FAM227B: variants seen among roughly 807,000 people sequenced by gnomAD.
FAM227B encodes the protein family with sequence similarity 227 member B, also known as protein FAM227B.
A neutral mutation model predicts 73.8 loss-of-function variants in FAM227B; 88 were observed. That is an observed-to-expected ratio of 1.19 (90% CI 1.00 to 1.42). The LOEUF (loss-of-function observed/expected upper bound fraction) is 1.42, where lower values mean the gene tolerates loss of function less well. Among genes scored for constraint, FAM227B ranks in the 40% most tolerant of loss-of-function variants. FAM227B has a pLI of 0.00. For synonymous variants in FAM227B, 210 were observed against 190.5 expected (o/e 1.10, Z -0.84); for missense variants, 632 against 590.9 (o/e 1.07, Z -0.72).
At chr15:49,407,872 G>A (rs1288784424) in intron 11 of FAM227B, among the ~76,000 whole-genome samples, 1 of 151,684 alleles carries the variant, frequency 6.6e-6, no homozygotes, top group African/African-American at 2.4e-5. Flanking sequence ...CTCCACATCC[G>A]CTGGCAATCT....
chr15:49,419,148 T>G (rs1238127046), intron 11 of FAM227B, among the ~76,000 whole-genome samples: 4 of 152,210 alleles, frequency 2.6e-5, no homozygotes, highest in Admixed American at 2.6e-4. Context: ...GGGGTCCTTA[T>G]GGACCTATTT....
chr15:49,577,696 C>A, intron 5 of FAM227B, 32 bp from the exon 6 acceptor site: 1 of 1,382,936 alleles, frequency 7.2e-7, no homozygotes, highest in South Asian at 1.3e-5. Flanking sequence ...CTCTTTAAAA[C>A]TCTAAATTAA....
At chr15:49,420,685 A>C (rs1006397484) in intron 11 of FAM227B, among the ~76,000 whole-genome samples, 1 of 152,160 alleles carries the variant, frequency 6.6e-6, no homozygotes, top group Non-Finnish European at 1.5e-5. Flanking sequence ...ATTATATTAT[A>C]CATGATTATG....
At chr15:49,532,055 T>G (rs2060651954) in intron 10 of FAM227B, among the ~76,000 whole-genome samples, 1 of 149,036 alleles carries the variant, frequency 6.7e-6, no homozygotes, top group Admixed American at 6.8e-5. Flanking sequence ...AGGGAATATC[T>G]ATATATAAAA....
At chr15:49,446,590 A>T (rs2052237235) in intron 11 of FAM227B, among the ~76,000 whole-genome samples, 1 of 151,350 alleles carries the variant, frequency 6.6e-6, no homozygotes, top group Non-Finnish European at 1.5e-5. Context: ...CATAGAGGGT[A>T]AAGAGCTTTT....
intron 11 of FAM227B, among the ~76,000 whole-genome samples, chr15:49,489,821 T>A (rs1334317976): frequency 1.1e-4 from 3 of 27,938 alleles, no homozygotes; most frequent in Non-Finnish European, 2.0e-4. Flanking sequence ...ATATATATAT[T>A]TTATATATAT....
chr15:49,367,309 C>T (rs1029751582), intron 13 of FAM227B, 139 bp downstream of exon 13: 1 of 707,436 alleles, frequency 1.4e-6, no homozygotes, highest in Non-Finnish European at 2.1e-6. Flanking sequence ...AAGTTTTAAG[C>T]ATAAGTAAAT....
At chr15:49,494,143 T>C (rs2057375467) in intron 11 of FAM227B, among the ~76,000 whole-genome samples, 1 of 151,864 alleles carries the variant, frequency 6.6e-6, no homozygotes, top group Non-Finnish European at 1.5e-5. Flanking sequence ...TAAGTTACCA[T>C]TGTGCTTTGA....
At chr15:49,608,781 T>A (rs1285256438) in intron 3 of FAM227B, among the ~76,000 whole-genome samples, 1 of 151,856 alleles carries the variant, frequency 6.6e-6, no homozygotes, top group Non-Finnish European at 1.5e-5. Flanking sequence ...TAACAAAAAT[T>A]AACATTGATG....
In FAM227B at chr15:49,328,335, T is replaced by C; in HGVS notation, c.*233A>G. On this transcript the variant is annotated 3_prime_UTR_variant, in exon 16 of 16. Coordinates refer to ENST00000299338, the MANE Select transcript of FAM227B (RefSeq NM_152647.3). The stretch of plus-strand genomic sequence containing the variant: ...GCTCTCTATGCTTCATAATGATTCT[T>C]TTTCCATCTTAAAATATGGTTTTAC... 5 of 1,430,300 alleles carry C rather than the reference T, an allele frequency of 3.5e-6. No individual in the cohort carries two copies. Among genetic ancestry groups the C allele is most frequent in the Middle Eastern group, 2.6e-4 (1 of 3,878 alleles). 88.6% of individuals were successfully genotyped at this position (1,430,300 alleles called of 1,614,324 possible).
At chr15:49,366,226 TC>T (rs2045157707) in intron 13 of FAM227B, 1 of 787,494 alleles carries the variant, frequency 1.3e-6, no homozygotes, top group Non-Finnish European at 2.3e-6. Flanking sequence ...TAATGTTATT[TC>T]CTAGAGTCTG....
intron 9 of FAM227B, 46 bp from the exon 10 acceptor site, chr15:49,541,852 TTAATA>T (rs1293327496): frequency 2.4e-6 from 3 of 1,236,628 alleles, no homozygotes; most frequent in Non-Finnish European, 3.1e-6. Context: ...TTTTTAAATT[TTAATA>T]TATGTCAGCT....
chr15:49,351,688 A>C (rs1268505600), intron 13 of FAM227B, among the ~76,000 whole-genome samples: 1 of 152,176 alleles, frequency 6.6e-6, no homozygotes, highest in Non-Finnish European at 1.5e-5. Context: ...TTTCAAGGGA[A>C]TAAAGTAACA....
chr15:49,571,904 T>C (rs948973855), intron 8 of FAM227B, among the ~76,000 whole-genome samples: 2 of 152,044 alleles, frequency 1.3e-5, no homozygotes, highest in African/African-American at 4.8e-5. Flanking sequence ...GGAATTTTGT[T>C]AGGGATTGCA....
At chr15:49,579,177 A>G (rs2075656075) in intron 5 of FAM227B, among the ~76,000 whole-genome samples, 1 of 152,186 alleles carries the variant, frequency 6.6e-6, no homozygotes, top group Non-Finnish European at 1.5e-5. Flanking sequence ...TGAAGAGAAA[A>G]GAGAATTCTT....
intron 13 of FAM227B, among the ~76,000 whole-genome samples, chr15:49,356,341 C>A (rs2043165825): frequency 6.7e-6 from 1 of 150,344 alleles, no homozygotes; most frequent in African/African-American, 2.4e-5. Context: ...GGAAACCCAT[C>A]TCATGTGCAG....
At chr15:49,503,682 T>C (rs887025722) in intron 11 of FAM227B, among the ~76,000 whole-genome samples, 2 of 152,042 alleles carry the variant, frequency 1.3e-5, no homozygotes, top group African/African-American at 2.4e-5. Flanking sequence ...AAAATGCTCA[T>C]CATCACTGGC....
intron 11 of FAM227B, chr15:49,484,384 A>G: frequency 6.3e-7 from 1 of 1,595,094 alleles, no homozygotes; most frequent in Non-Finnish European, 8.5e-7. Context: ...CATCAGCTAA[A>G]TGGACACACA....
Position 49,437,211 on chromosome 15 carries a change from T to A in FAM227B, c.1013-65812A>T, listed in dbSNP as rs532407027. Among the ~76,000 whole-genome samples, 334 of 151,624 alleles carry A rather than the reference T, an allele frequency of 2.2e-3. 1 individual carries two copies. Among genetic ancestry groups the A allele is most frequent in the African/African-American group, 8.0e-3 (330 of 41,470 alleles). On this transcript the variant is annotated intron_variant, in intron 11 of 15. Coordinates refer to ENST00000299338, the MANE Select transcript of FAM227B (RefSeq NM_152647.3). ...ATATATACAGTTTAATTTCAGATAA[T>A]CTCAGATAACTTAGTCATATTTAGG...
Sources: allele counts gnomAD v4.1 joint callset (sites outside exome capture counted in the v4.1 genomes callset), GRCh38; gene constraint gnomAD v4.1.1; transcripts MANE v1.5; gene names NCBI Gene and HGNC (gene_info 2026-07-23, HGNC 2026-07-21).